SLC6A3: variants seen among roughly 807,000 people sequenced by gnomAD.
The protein encoded by SLC6A3 is sodium-dependent dopamine transporter.
Under a neutral mutation model 70.4 loss-of-function variants are expected in SLC6A3, and 19 were observed. The observed-to-expected ratio is 0.27, with a 90% CI of 0.19 to 0.40. SLC6A3 has a LOEUF of 0.40. SLC6A3 is among the 10% of genes least tolerant of loss of function. The probability of loss-of-function intolerance (pLI) is 1.00; values close to 1 mark genes in which losing one functional copy is unlikely to be tolerated. For synonymous variants in SLC6A3, 368 were observed against 356.6 expected, an observed-to-expected ratio of 1.03 and a Z score of -0.36; for missense variants, 613 against 838.5, an observed-to-expected ratio of 0.73 and a Z score of 3.32.
intron 3 of SLC6A3, among the ~76,000 whole-genome samples, chr5:1,439,512 G>A (rs952895450): frequency 1.3e-5 from 2 of 152,224 alleles, no homozygotes; most frequent in Admixed American, 1.3e-4. Context: ...TTCCACGGCT[G>A]CGAGACTGAC....
chr5:1,441,525 T>G, intron 2 of SLC6A3, 35 bp from the exon 3 acceptor site: 1 of 1,609,616 alleles, frequency 6.2e-7, no homozygotes, highest in Non-Finnish European at 8.5e-7. Context: ...GTTTGGGGCC[T>G]CGGAAGGGCC....
chr5:1,408,611 G>A lies in SLC6A3; in HGVS notation c.1498+415C>T, dbSNP rs113341201. Among the ~76,000 whole-genome samples, 628 of 152,286 alleles carry A rather than the reference G, an allele frequency of 4.1e-3. 4 individuals are homozygous for A. Among genetic ancestry groups the A allele is most frequent in the African/African-American group, 0.013 (544 of 41,552 alleles). ...GCTGCACCCCGTTCGAGCGCCGCCC[G>A]CTGATCATCAGGTCCCGACTGCTCT... On this transcript the variant is annotated intron_variant, in intron 11 of 14. Transcript: ENST00000270349. This position sits in a 1 kb window ranked among gnomAD's most constrained non-coding sequence, Gnocchi z 6.4.
rs999817849 is a variant in SLC6A3 at position 1,397,347 on chromosome 5, C to A, written c.1840-2589G>T. ...TCGGGAGGCTGAGGCAGGAGAATGGCGCGAACCCGGGAGGCGGAGCTTGCA... is the reference window on the plus strand; with the variant it reads ...TCGGGAGGCTGAGGCAGGAGAATGGAGCGAACCCGGGAGGCGGAGCTTGCA... On this transcript the variant is annotated intron_variant, in intron 14 of 14. Coordinates refer to ENST00000270349, the MANE Select transcript of SLC6A3 (RefSeq NM_001044.5). The surrounding 1 kb of genome is among the most constrained non-coding windows in gnomAD (Gnocchi z 4.7). Among the ~76,000 whole-genome samples the A allele has an allele frequency of 6.6e-6, 1 of 152,224 alleles. No individual in the cohort carries two copies.
Position 1,432,425 on chromosome 5 carries a change from G to T in SLC6A3, c.653+39C>A, listed in dbSNP as rs8179024. 8.1e-4 allele frequency: 1,209 copies of T among 1,500,484 alleles called. 18 individuals are homozygous for T. In the African/African-American group the frequency reaches 0.015, roughly 18 times the overall value. 92.9% of individuals were successfully genotyped at this position (1,500,484 alleles called of 1,614,324 possible). ...GGGCTACCATGGGGGACCTGGCTGC[G>T]CCATCTCTCCCGTTCCCGAGGACCC... On this transcript the variant is annotated intron_variant, in intron 4 of 14. Transcript: ENST00000270349.
At chr5:1,414,953 G>T (rs28363070) in intron 7 of SLC6A3, 138 bp from the exon 8 acceptor site, 7 of 1,082,250 alleles carry the variant, frequency 6.5e-6, no homozygotes, top group Non-Finnish European at 9.6e-6. Context: ...CAGTGAGCAC[G>T]GCCAGCTCCT....
At chr5:1,427,660 G>C (rs1368270450) in intron 4 of SLC6A3, among the ~76,000 whole-genome samples, 3 of 152,164 alleles carry the variant, frequency 2.0e-5, no homozygotes, top group Non-Finnish European at 4.4e-5. Context: ...TAAAAGGCTG[G>C]AAAAGATAAT....
rs779010323 is a variant in SLC6A3 at position 1,422,038 on chromosome 5, A to G, written c.654-24T>C. On this transcript the variant is annotated intron_variant, in intron 4 of 14. Coordinates refer to ENST00000270349, the MANE Select transcript of SLC6A3 (RefSeq NM_001044.5). ...GTCTGCAGAGGGGAGTCAGCGGGGG[A>G]CTCTGTGGGTGGCTGTCAACCCACC... 2.5e-6 allele frequency: 4 copies of G among 1,605,312 alleles called. No individual in the cohort carries two copies. The Admixed American group carries it at 5.0e-5, about 20-fold the overall frequency.
chr5:1,402,053 A>G lies in SLC6A3; in HGVS notation c.1767+869T>C, dbSNP rs1755863754. Among the ~76,000 whole-genome samples, 1 of 152,156 alleles carries G rather than the reference A, an allele frequency of 6.6e-6. No individual in the cohort carries two copies. Among genetic ancestry groups the G allele is most frequent in the Admixed American group, 6.5e-5 (1 of 15,284 alleles). On this transcript the variant is annotated intron_variant, in intron 13 of 14. Transcript: ENST00000270349. This position sits in a 1 kb window ranked among gnomAD's most constrained non-coding sequence, Gnocchi z 8.5. ...CAGTGCCAGCCTGAGAGCATCTGCCACATGTCTGAGCCCAGGGGACACCGT... is the reference window on the plus strand; with the variant it reads ...CAGTGCCAGCCTGAGAGCATCTGCCGCATGTCTGAGCCCAGGGGACACCGT...
Position 1,400,904 on chromosome 5 carries a change from C to T in SLC6A3, c.1839+11G>A. ...CCCCCGAGAGAGGCCCAGCAGGGAC[C>T]TCGACCTCACCGTGAACTGGCGCAC... On this transcript the variant is annotated intron_variant, in intron 14 of 14. Transcript: ENST00000270349. The T allele has an allele frequency of 6.4e-7, 1 of 1,572,614 alleles. No individual in the cohort carries two copies.
chr5:1,399,738 A>G (rs1342450727), intron 14 of SLC6A3, among the ~76,000 whole-genome samples: 1 of 152,188 alleles, frequency 6.6e-6, no homozygotes, highest in East Asian at 1.9e-4. Context: ...AAGGGTGCCA[A>G]CGGAGGGAGG....
At chr5:1,443,268 C>T (rs1733725623) in intron 1 of SLC6A3, 26 bp from the exon 2 acceptor site, 1 of 1,551,726 alleles carries the variant, frequency 6.4e-7, no homozygotes, top group South Asian at 1.1e-5. Flanking sequence ...AAAATAAACA[C>T]ACAACAGGAA....
At chr5:1,426,109 A>G (rs1756570363) in intron 4 of SLC6A3, among the ~76,000 whole-genome samples, 1 of 152,228 alleles carries the variant, frequency 6.6e-6, no homozygotes, top group Non-Finnish European at 1.5e-5. Flanking sequence ...AAAAAATTAA[A>G]CACAGAATTA....
chr5:1,409,989 G>A, intron 9 of SLC6A3, 140 bp from the exon 10 acceptor site: 2 of 1,083,186 alleles, frequency 1.8e-6, no homozygotes, highest in Non-Finnish European at 1.4e-6. Context: ...CAGGGTGCAG[G>A]ATGCCTGGTA....
At chr5:1,417,255 GAAC>G in intron 6 of SLC6A3, among the ~76,000 whole-genome samples, 1 of 151,838 alleles carries the variant, frequency 6.6e-6, no homozygotes, top group Admixed American at 6.6e-5. Flanking sequence ...ATAACCCTCA[GAAC>G]AACATAAACT....
Position 1,421,178 on chromosome 5 carries a change from G to GT in SLC6A3, c.793-476dup, listed in dbSNP as rs397883245. ...GGTTTTGGCCCATATAACAACCAAAGTTTTTTTTTTTTTTTTGAGATGGAG... is the reference window on the plus strand; with the variant it reads ...GGTTTTGGCCCATATAACAACCAAAGTTTTTTTTTTTTTTTTTGAGATGGAG... On this transcript the variant is annotated intron_variant, in intron 5 of 14. Transcript: ENST00000270349. This position sits in a 1 kb window ranked among gnomAD's most constrained non-coding sequence, Gnocchi z 7.2. Among the ~76,000 whole-genome samples, 6,048 of 137,890 alleles carry GT rather than the reference G, an allele frequency of 0.044. 137 individuals are homozygous for GT. Among genetic ancestry groups the GT allele is most frequent in the Non-Finnish European group, 0.056 (3,602 of 64,436 alleles). 90.5% of individuals were successfully genotyped at this position (137,890 alleles called of 152,430 possible).
chr5:1,427,028 C>T (rs552184682), intron 4 of SLC6A3, among the ~76,000 whole-genome samples: 13 of 152,250 alleles, frequency 8.5e-5, no homozygotes, highest in South Asian at 2.1e-4. Context: ...AGCAAGTCTA[C>T]GCTATGAGAA....
At position 1,436,436 on chromosome 5, in the gene SLC6A3, C is replaced by T. The variant is rs1201898818; in HGVS notation, c.419-3738G>A. 2.0e-5 allele frequency among the ~76,000 whole-genome samples: 3 copies of T among 152,200 alleles called. No individual in the cohort carries two copies. The highest frequency in any genetic ancestry group is 7.2e-5 in the African/African-American group (3 of 41,446). ...AGGTGGCAGGCAAAGTCCCTGCTCGCGTTTCCAGGGAAAACATTCATGAGA... is the reference window on the plus strand; with the variant it reads ...AGGTGGCAGGCAAAGTCCCTGCTCGTGTTTCCAGGGAAAACATTCATGAGA... On this transcript the variant is annotated intron_variant, in intron 3 of 14. Coordinates refer to ENST00000270349, the MANE Select transcript of SLC6A3 (RefSeq NM_001044.5). This position sits in a 1 kb window ranked among gnomAD's most constrained non-coding sequence, Gnocchi z 5.2.
rs1318170055 is a variant in SLC6A3 at position 1,431,241 on chromosome 5, C to T, written c.653+1223G>A. 2.6e-5 allele frequency among the ~76,000 whole-genome samples: 4 copies of T among 152,232 alleles called. No individual in the cohort carries two copies. In the East Asian group the frequency reaches 5.8e-4, roughly 22 times the overall value. ...ACAGGGAACCCCTGGGTGTCAGTAACGACCCTTCCAGGCTGGGCCAGGCCA... is the reference window on the plus strand; with the variant it reads ...ACAGGGAACCCCTGGGTGTCAGTAATGACCCTTCCAGGCTGGGCCAGGCCA... On this transcript the variant is annotated intron_variant, in intron 4 of 14. Coordinates refer to ENST00000270349, the MANE Select transcript of SLC6A3 (RefSeq NM_001044.5).
rs1199329016 is a variant in SLC6A3 at position 1,406,065 on chromosome 5, G to A, written c.1599+123C>T. The stretch of plus-strand genomic sequence containing the variant: ...GGATCAGCCTGTCCTTCTGGGCCGA[G>A]TCTTGAGGCCCCTGACTCCAGCCAC... On this transcript the variant is annotated intron_variant, in intron 12 of 14. Coordinates refer to ENST00000270349, the MANE Select transcript of SLC6A3 (RefSeq NM_001044.5). The surrounding 1 kb of genome is among the most constrained non-coding windows in gnomAD (Gnocchi z 8.8). 8 of 757,080 alleles carry A rather than the reference G, an allele frequency of 1.1e-5. No homozygotes were observed. Among genetic ancestry groups the A allele is most frequent in the Admixed American group, 7.7e-5 (4 of 52,230 alleles). The allele number at this position is 757,080 out of a possible 1,614,324, so 46.9% of individuals were successfully genotyped here.
Sources: gnomAD v4.1 joint callset for allele counts (sites outside exome capture counted in the v4.1 genomes callset) on GRCh38, gnomAD v4.1.1 for gene constraint, Gnocchi (gnomAD v3.1) non-coding constraint, MANE v1.5 for transcripts, NCBI Gene and HGNC (gene_info 2026-07-23, HGNC 2026-07-21) for gene names.